The following WDPCP variants were observed in gnomAD, a reference collection of about 807,000 sequenced individuals.
The protein encoded by WDPCP is WD repeat containing planar cell polarity effector.
In WDPCP, 71 loss-of-function variants were observed where a neutral mutation model predicts 93.1. That is an observed-to-expected ratio of 0.76 (90% CI 0.63 to 0.93). WDPCP has a LOEUF of 0.93. Ranked by LOEUF, WDPCP falls within the 40% of genes least tolerant of loss-of-function variation. The probability of loss-of-function intolerance (pLI) is 0.00; values close to 1 mark genes in which losing one functional copy is unlikely to be tolerated. For missense variants in WDPCP, 844 were observed against 887.4 expected, an observed-to-expected ratio of 0.95 and a Z score of 0.62; for synonymous variants, 315 against 315.0, an observed-to-expected ratio of 1.00 and a Z score of 0.00.
chr2:63,244,499 T>C (rs2104665731), intron 14 of WDPCP, among the ~76,000 whole-genome samples: 1 of 151,836 alleles, frequency 6.6e-6, no homozygotes, highest in South Asian at 2.1e-4. Flanking sequence ...AAAAGAGAGA[T>C]CCAAATAAGC....
intron 10 of WDPCP, among the ~76,000 whole-genome samples, chr2:63,394,728 T>C (rs1041519635): frequency 6.6e-6 from 1 of 152,152 alleles, no homozygotes; most frequent in Non-Finnish European, 1.5e-5. Context: ...TGAGATGATA[T>C]GCTCTGCAGC....
At chr2:63,622,066 C>CTTTTTTTTTTTT in intron 3 of WDPCP, 1 of 528,492 alleles carries the variant, frequency 1.9e-6, no homozygotes, top group African/African-American at 2.9e-5. Flanking sequence ...TTTCTTTTTT[C>CTTTTTTTTTTTT]TTTTTTTTTT....
intron 16 of WDPCP, 194 bp from the exon 17 acceptor site, chr2:63,153,139 T>G (rs891301928): frequency 1.7e-6 from 1 of 602,624 alleles, no homozygotes; most frequent in Non-Finnish European, 2.9e-6. Flanking sequence ...TGTGTATGGC[T>G]ACCTTGCATT....
intron 14 of WDPCP, among the ~76,000 whole-genome samples, chr2:63,233,837 G>A (rs1402482964): frequency 2.0e-5 from 3 of 152,146 alleles, no homozygotes; most frequent in Admixed American, 2.0e-4. Context: ...TTAGGGGTAT[G>A]AGGTTGATCT....
chr2:63,454,468 G>A (rs1698489170), intron 6 of WDPCP, among the ~76,000 whole-genome samples: 1 of 151,614 alleles, frequency 6.6e-6, no homozygotes, highest in Non-Finnish European at 1.5e-5. Flanking sequence ...AAACCTACAT[G>A]TTGTGCACAT....
chr2:63,214,195 A>T (rs1047783573), intron 14 of WDPCP, among the ~76,000 whole-genome samples: 1 of 152,160 alleles, frequency 6.6e-6, no homozygotes, highest in Non-Finnish European at 1.5e-5. Flanking sequence ...ACCAATATCC[A>T]TGATGAACAT....
intron 6 of WDPCP, among the ~76,000 whole-genome samples, chr2:63,482,892 G>T (rs1575502173): frequency 6.6e-6 from 1 of 151,846 alleles, no homozygotes; most frequent in East Asian, 1.9e-4. Flanking sequence ...CAGATTCATT[G>T]GTACACCAGC....
chr2:63,506,367 A>G (rs1231242524), intron 1 of WDPCP, among the ~76,000 whole-genome samples: 1 of 152,054 alleles, frequency 6.6e-6, no homozygotes, highest in Non-Finnish European at 1.5e-5. Flanking sequence ...AGGACCATCC[A>G]AGAAAAGATG....
At chr2:63,719,003 AGACT>A (rs1449166176) in intron 2 of WDPCP, among the ~76,000 whole-genome samples, 1 of 152,256 alleles carries the variant, frequency 6.6e-6, no homozygotes, top group Non-Finnish European at 1.5e-5. Flanking sequence ...AAAAATGAAC[AGACT>A]TAAAAGAAGA....
intron 14 of WDPCP, among the ~76,000 whole-genome samples, chr2:63,258,403 C>G (rs1195785137): frequency 6.6e-6 from 1 of 152,146 alleles, no homozygotes; most frequent in Non-Finnish European, 1.5e-5. Flanking sequence ...TCCTTCAGTA[C>G]CACCTTGAAG....
At chr2:63,522,303 T>G (rs973109142) in intron 1 of WDPCP, among the ~76,000 whole-genome samples, 2 of 150,530 alleles carry the variant, frequency 1.3e-5, no homozygotes, top group African/African-American at 4.9e-5. Flanking sequence ...AACACCCACA[T>G]CAAAAAGTTA....
intron 2 of WDPCP, among the ~76,000 whole-genome samples, chr2:63,728,002 C>G (rs1349757598): frequency 6.6e-6 from 1 of 152,054 alleles, no homozygotes; most frequent in African/African-American, 2.4e-5. Flanking sequence ...CCCCTCAGTA[C>G]TACAAATTTC....
intron 9 of WDPCP, among the ~76,000 whole-genome samples, chr2:63,424,620 G>C (rs1439087621): frequency 6.6e-6 from 1 of 152,198 alleles, no homozygotes; most frequent in African/African-American, 2.4e-5. Flanking sequence ...CAATCCCCCA[G>C]GGTTACAGCA....
intron 2 of WDPCP, among the ~76,000 whole-genome samples, chr2:63,657,730 G>C (rs1287493251): frequency 3.3e-5 from 5 of 152,162 alleles, no homozygotes; most frequent in Non-Finnish European, 5.9e-5. Flanking sequence ...AAAACACTGA[G>C]TCTATTTCCC....
chr2:63,555,234 C>T (rs1420429360), intron 1 of WDPCP, among the ~76,000 whole-genome samples: 1 of 152,242 alleles, frequency 6.6e-6, no homozygotes, highest in African/African-American at 2.4e-5. Flanking sequence ...TGTGGCCAGA[C>T]TGCCTCTTGA....
chr2:63,222,351 A>G (rs1457772400), intron 14 of WDPCP, among the ~76,000 whole-genome samples: 2 of 152,176 alleles, frequency 1.3e-5, no homozygotes, highest in African/African-American at 2.4e-5. Context: ...GGGATTTAGC[A>G]CAACAGGATT....
intron 2 of WDPCP, among the ~76,000 whole-genome samples, chr2:63,721,807 C>T (rs977734765): frequency 1.3e-3 from 195 of 150,742 alleles, no homozygotes; most frequent in African/African-American, 4.6e-3. Context: ...CTGGACTGTA[C>T]TGCTGCCATC....
intron 15 of WDPCP, among the ~76,000 whole-genome samples, chr2:63,162,650 A>G (rs931606006): frequency 5.3e-5 from 8 of 152,156 alleles, no homozygotes; most frequent in African/African-American, 1.7e-4. Flanking sequence ...CTATTGTTCT[A>G]TGTAAACTCA....
At chr2:63,500,269 G>C (rs1701457141) in intron 1 of WDPCP, among the ~76,000 whole-genome samples, 1 of 152,172 alleles carries the variant, frequency 6.6e-6, no homozygotes, top group Admixed American at 6.5e-5. Flanking sequence ...CAGAAGAGAG[G>C]CCTGGACTAC....
Sources: gnomAD v4.1 joint callset for allele counts (sites outside exome capture counted in the v4.1 genomes callset) on GRCh38, gnomAD v4.1.1 for gene constraint, MANE v1.5 for transcripts, NCBI Gene and HGNC (gene_info 2026-07-23, HGNC 2026-07-21) for gene names.